The following OR1F1 variants were observed in gnomAD, a reference collection of about 807,000 sequenced individuals.
OR1F1 encodes the protein olfactory receptor family 1 subfamily F member 1, also known as olfactory receptor 1F1.
For missense variants in OR1F1, 493 were observed against 376.3 expected (o/e 1.31, Z -2.57); for synonymous variants, 184 against 156.7 (o/e 1.17, Z -1.30).
At chr16:3,203,812 T>C (rs1409268998), upstream of OR1F1, among the ~76,000 whole-genome samples, 1 of 152,176 alleles carries the variant, frequency 6.6e-6, no homozygotes, top group Non-Finnish European at 1.5e-5. Context: ...TGATAACTGC[T>C]TGTCAGGACT....
At chr16:3,194,412 G>A in the OR1F1 span, among the ~76,000 whole-genome samples, 1 of 152,150 alleles carries the variant, frequency 6.6e-6, no homozygotes, top group African/African-American at 2.4e-5. Context: ...CAGTAATTTT[G>A]TTCAAAAACG....
the OR1F1 span, among the ~76,000 whole-genome samples, chr16:3,191,495 A>C: frequency 6.6e-6 from 1 of 152,152 alleles, no homozygotes; most frequent in Non-Finnish European, 1.5e-5. Flanking sequence ...AAACGTTCCC[A>C]GGGAAGCCCG....
chr16:3,189,571 C>A, the OR1F1 span, among the ~76,000 whole-genome samples: 2 of 152,172 alleles, frequency 1.3e-5, no homozygotes, highest in African/African-American at 4.8e-5. Context: ...CTGCTGGGTC[C>A]GCCCCAGCCG....
the OR1F1 span, among the ~76,000 whole-genome samples, chr16:3,195,900 T>C: frequency 1.3e-5 from 2 of 152,172 alleles, no homozygotes; most frequent in South Asian, 4.1e-4. Flanking sequence ...TAGGGTGGGA[T>C]GTACCCTCCC....
upstream of OR1F1, among the ~76,000 whole-genome samples, chr16:3,201,268 A>G (rs566813780): frequency 6.6e-6 from 1 of 152,326 alleles, no homozygotes; most frequent in South Asian, 2.1e-4. Context: ...CATTGTGACT[A>G]ATGTACAATA....
chr16:3,204,276 C>A, exon 1 of OR1F1: 3 of 1,611,446 alleles, frequency 1.9e-6, no homozygotes, highest in Non-Finnish European at 2.5e-6. Flanking sequence ...CGAGTGTCTC[C>A]GAGTTCCTCC....
chr16:3,190,945 T>G, the OR1F1 span, among the ~76,000 whole-genome samples: 1 of 152,138 alleles, frequency 6.6e-6, no homozygotes, highest in Non-Finnish European at 1.5e-5. Flanking sequence ...CCTTTGAACC[T>G]TCTAGATTGA....
At chr16:3,198,255 G>C in the OR1F1 span, among the ~76,000 whole-genome samples, 2 of 152,140 alleles carry the variant, frequency 1.3e-5, no homozygotes, top group East Asian at 1.9e-4. Context: ...GCAAACTGGA[G>C]ACCCAGCAGA....
At chr16:3,191,977 G>A in the OR1F1 span, among the ~76,000 whole-genome samples, 7,854 of 152,248 alleles carry the variant, frequency 0.052, 680 homozygotes, top group African/African-American at 0.18. Context: ...AAAGTAAAGG[G>A]CCTGCTGCTG....
the OR1F1 span, among the ~76,000 whole-genome samples, chr16:3,196,434 A>T: frequency 6.6e-6 from 1 of 151,926 alleles, no homozygotes; most frequent in Non-Finnish European, 1.5e-5. Context: ...CCCAGGCTGG[A>T]GGGCAGTGGT....
At chr16:3,188,681 C>A in the OR1F1 span, among the ~76,000 whole-genome samples, 6 of 152,042 alleles carry the variant, frequency 3.9e-5, no homozygotes, top group African/African-American at 1.4e-4. Flanking sequence ...CCACTGAGAG[C>A]GAGGGAATTC....
chr16:3,194,738 G>C, the OR1F1 span, among the ~76,000 whole-genome samples: 2 of 152,188 alleles, frequency 1.3e-5, no homozygotes, highest in African/African-American at 4.8e-5. Flanking sequence ...ATTTAAGGGG[G>C]GCACTTGCGG....
At chr16:3,200,366 G>C (rs938525230), upstream of OR1F1, among the ~76,000 whole-genome samples, 2 of 152,212 alleles carry the variant, frequency 1.3e-5, no homozygotes, top group Non-Finnish European at 2.9e-5. Context: ...TCCCACTTTC[G>C]GAGGCCGAGA....
chr16:3,189,781 C>G, the OR1F1 span: 6 of 152,038 alleles, frequency 3.9e-5, no homozygotes, highest in African/African-American at 1.5e-4. Flanking sequence ...CAGCGCAGGA[C>G]GTGGACGCCC....
the OR1F1 span, among the ~76,000 whole-genome samples, chr16:3,195,172 G>T: frequency 2.0e-5 from 3 of 152,172 alleles, no homozygotes; most frequent in African/African-American, 7.2e-5. Flanking sequence ...CTGCGCCTCC[G>T]GCGCTCTCCC....
exon 1 of OR1F1, chr16:3,204,648 A>G: frequency 6.2e-7 from 1 of 1,614,164 alleles, no homozygotes; most frequent in South Asian, 1.1e-5. Context: ...ATTACACAGC[A>G]AAGATGACCC....
chr16:3,203,609 C>CA (rs1377129623), upstream of OR1F1, among the ~76,000 whole-genome samples: 1 of 152,130 alleles, frequency 6.6e-6, no homozygotes, highest in Admixed American at 6.5e-5. Flanking sequence ...ACTAAAAATA[C>CA]AAAAATTAGC....
chr16:3,191,867 C>A, the OR1F1 span, among the ~76,000 whole-genome samples: 1 of 152,086 alleles, frequency 6.6e-6, no homozygotes, highest in African/African-American at 2.4e-5. Flanking sequence ...GGGGCCGGGG[C>A]GCTGGCCCAC....
At chr16:3,192,289 G>C in the OR1F1 span, among the ~76,000 whole-genome samples, 1 of 152,088 alleles carries the variant, frequency 6.6e-6, no homozygotes, top group East Asian at 1.9e-4. Flanking sequence ...ATCTGACCTC[G>C]TGATCCGCCC....
Sources: allele counts gnomAD v4.1 joint callset (sites outside exome capture counted in the v4.1 genomes callset), GRCh38; gene constraint gnomAD v4.1.1; transcripts MANE v1.5; gene names NCBI Gene and HGNC (gene_info 2026-07-23, HGNC 2026-07-21).